GRM7: variants seen among roughly 807,000 people sequenced by gnomAD.
GRM7 encodes metabotropic glutamate receptor 7.
GRM7 carries 35 observed loss-of-function variants against 84.5 expected under a neutral mutation model. That is an observed-to-expected ratio of 0.41 (90% CI 0.32 to 0.55). The LOEUF is 0.55. Among genes scored for constraint, GRM7 ranks in the 20% least tolerant of loss-of-function variants. The pLI is 0.19. For missense variants in GRM7, 1,003 were observed against 1,194.6 expected, an observed-to-expected ratio of 0.84 and a Z score of 2.36; for synonymous variants, 487 against 455.1, an observed-to-expected ratio of 1.07 and a Z score of -0.89.
chr3:7,487,317 G>T (rs1335741232), intron 7 of GRM7, among the ~76,000 whole-genome samples: 1 of 152,184 alleles, frequency 6.6e-6, no homozygotes, highest in Non-Finnish European at 1.5e-5. Flanking sequence ...CATGTAAATA[G>T]TAAAAACGCA....
At chr3:6,963,750 G>A (rs1010292879) in intron 1 of GRM7, among the ~76,000 whole-genome samples, 1 of 152,126 alleles carries the variant, frequency 6.6e-6, no homozygotes, top group Non-Finnish European at 1.5e-5. Flanking sequence ...CCTTTCTTAT[G>A]TAAAATAGTG....
chr3:7,070,528 G>C (rs1456410619), intron 1 of GRM7, among the ~76,000 whole-genome samples: 2 of 152,048 alleles, frequency 1.3e-5, no homozygotes, highest in East Asian at 3.9e-4. Flanking sequence ...ATTCTAATGT[G>C]AGTGCATTAG....
chr3:7,523,288 A>C (rs1210394207), intron 7 of GRM7, among the ~76,000 whole-genome samples: 1 of 152,138 alleles, frequency 6.6e-6, no homozygotes, highest in Non-Finnish European at 1.5e-5. Context: ...ATTGATATAC[A>C]GAAAAATTTT....
At chr3:7,646,393 C>G (rs1258476334) in intron 8 of GRM7, among the ~76,000 whole-genome samples, 1 of 151,992 alleles carries the variant, frequency 6.6e-6, no homozygotes, top group Non-Finnish European at 1.5e-5. Flanking sequence ...GGGGTTTCAC[C>G]ATGTTGGTCA....
intron 7 of GRM7, among the ~76,000 whole-genome samples, chr3:7,568,425 T>C (rs954121292): frequency 2.8e-4 from 43 of 152,220 alleles, no homozygotes; most frequent in Non-Finnish European, 2.1e-4. Context: ...ACAAAGGTGG[T>C]GAGAGGTGAC....
chr3:6,946,034 C>A (rs1698066389), intron 1 of GRM7, among the ~76,000 whole-genome samples: 1 of 152,110 alleles, frequency 6.6e-6, no homozygotes, highest in Admixed American at 6.6e-5. Context: ...ACAGTGATTT[C>A]TTTTGCTGTG....
At chr3:7,620,124 G>A (rs1697289904) in intron 8 of GRM7, among the ~76,000 whole-genome samples, 1 of 151,900 alleles carries the variant, frequency 6.6e-6, no homozygotes, top group African/African-American at 2.4e-5. Flanking sequence ...AAGATGGTTA[G>A]AAAGATGGTT....
intron 8 of GRM7, among the ~76,000 whole-genome samples, chr3:7,656,545 GCGCACACA>G (rs1327015430): frequency 5.0e-5 from 6 of 120,346 alleles, no homozygotes; most frequent in South Asian, 2.7e-4. Context: ...ATATACGCGC[GCGCACACA>G]CACACACACA....
At chr3:7,562,183 CT>C (rs1694054064) in intron 7 of GRM7, among the ~76,000 whole-genome samples, 1 of 151,944 alleles carries the variant, frequency 6.6e-6, no homozygotes, top group African/African-American at 2.4e-5. Context: ...TTTAGTTTTT[CT>C]TGCCAGCTAT....
chr3:7,033,851 G>A (rs555642453), intron 1 of GRM7, among the ~76,000 whole-genome samples: 1 of 152,156 alleles, frequency 6.6e-6, no homozygotes, highest in African/African-American at 2.4e-5. Context: ...TGACTCGAGG[G>A]TGTGAAAGTG....
intron 4 of GRM7, among the ~76,000 whole-genome samples, chr3:7,356,920 T>TCACCACACACA (rs1553567165): frequency 7.6e-6 from 1 of 131,256 alleles, no homozygotes; most frequent in Non-Finnish European, 1.6e-5. Flanking sequence ...GCCTTTTTGA[T>TCACCACACACA]CACACACACA....
intron 2 of GRM7, among the ~76,000 whole-genome samples, chr3:7,180,588 G>C (rs1695304158): frequency 6.6e-6 from 1 of 152,104 alleles, no homozygotes; most frequent in Non-Finnish European, 1.5e-5. Flanking sequence ...AGTGTGTTTT[G>C]ACCTCAAAAT....
At chr3:7,643,736 G>A (rs889206441) in intron 8 of GRM7, among the ~76,000 whole-genome samples, 7 of 152,112 alleles carry the variant, frequency 4.6e-5, no homozygotes, top group African/African-American at 1.7e-4. Flanking sequence ...CAAATAAGAG[G>A]TTATTAATAT....
At chr3:7,719,973 A>G (rs1448303390) in intron 9 of GRM7, among the ~76,000 whole-genome samples, 1 of 152,174 alleles carries the variant, frequency 6.6e-6, no homozygotes. Flanking sequence ...AAAGTAAATG[A>G]AGATAATGGT....
chr3:7,528,354 G>A (rs1700890832), intron 7 of GRM7, among the ~76,000 whole-genome samples: 1 of 151,950 alleles, frequency 6.6e-6, no homozygotes, highest in Non-Finnish European at 1.5e-5. Context: ...GTATTTCTGT[G>A]GAATTGGTTG....
intron 1 of GRM7, among the ~76,000 whole-genome samples, chr3:7,145,994 C>G (rs941925177): frequency 1.3e-5 from 2 of 152,150 alleles, no homozygotes; most frequent in African/African-American, 4.8e-5. Flanking sequence ...TGGAGACTAT[C>G]CACAATCAAT....
At chr3:7,474,699 C>T (rs1324832041) in intron 7 of GRM7, among the ~76,000 whole-genome samples, 1 of 152,106 alleles carries the variant, frequency 6.6e-6, no homozygotes, top group Admixed American at 6.6e-5. Flanking sequence ...AATGTAGTAT[C>T]TGTCCTGCTA....
chr3:7,205,515 C>T (rs1160359943), intron 2 of GRM7, among the ~76,000 whole-genome samples: 1 of 152,128 alleles, frequency 6.6e-6, no homozygotes, highest in Non-Finnish European at 1.5e-5. Context: ...TTAGGCTGTG[C>T]CATTTTTGTT....
At chr3:7,312,011 A>G (rs1049287783) in intron 4 of GRM7, among the ~76,000 whole-genome samples, 1 of 152,150 alleles carries the variant, frequency 6.6e-6, no homozygotes, top group Non-Finnish European at 1.5e-5. Context: ...CTCCTCTATC[A>G]TTAACCAATA....
Sources: gnomAD v4.1 joint callset for allele counts (sites outside exome capture counted in the v4.1 genomes callset) on GRCh38, gnomAD v4.1.1 for gene constraint, MANE v1.5 for transcripts, NCBI Gene and HGNC (gene_info 2026-07-23, HGNC 2026-07-21) for gene names.